The following TADA3 variants were observed in gnomAD, a reference collection of about 807,000 sequenced individuals.
TADA3 encodes the protein transcriptional adapter 3.
A neutral mutation model predicts 43.2 loss-of-function variants in TADA3; 25 were observed. The ratio of observed to expected loss-of-function variants is 0.58; its 90% confidence interval spans 0.42 to 0.81. The LOEUF (loss-of-function observed/expected upper bound fraction) is 0.81, where lower values mean the gene tolerates loss of function less well. TADA3 is among the 30% of genes least tolerant of loss of function. The probability of loss-of-function intolerance (pLI) is 0.00; values close to 1 mark genes in which losing one functional copy is unlikely to be tolerated. For synonymous variants in TADA3, 235 were observed against 225.5 expected (o/e 1.04, Z -0.38); for missense variants, 441 against 567.8 (o/e 0.78, Z 2.27).
intron 4 of TADA3, chr3:9,787,635 T>G (rs2078646920): frequency 1.5e-6 from 2 of 1,335,932 alleles, no homozygotes; most frequent in South Asian, 1.3e-5. Flanking sequence ...CAATTGCCTC[T>G]CGAGAGAATT....
intron 2 of TADA3, among the ~76,000 whole-genome samples, chr3:9,790,274 T>C (rs1354744702): frequency 1.3e-5 from 2 of 152,252 alleles, no homozygotes; most frequent in African/African-American, 4.8e-5. Flanking sequence ...TTCACTTCGA[T>C]GTCACCACTA....
chr3:9,785,415 A>G lies in TADA3; in HGVS notation c.821T>C (p.Ile274Thr). The G allele has an allele frequency of 6.2e-7, 1 of 1,612,646 alleles. No individual in the cohort carries two copies. Among genetic ancestry groups the G allele is most frequent in the South Asian group, 1.1e-5 (1 of 90,996 alleles). The part of the protein sequence containing the change: ...LLQALVEENI[I>T]SPMEDSPIPD... ...AATAGGAGAATCCTCCATAGGGGAA[A>G]TAATATTTTCCTAGAAGACCACAAA... Residue 274 changes from isoleucine to threonine, a missense_variant, in exon 7 of 9, where the codon ATT (isoleucine) becomes ACT (threonine). Transcript: ENST00000301964.
Position 9,789,521 on chromosome 3 carries a change from A to G in TADA3, c.552T>C (p.Ala184=). ...CCAGAGTTTCTACCTTGTAATGCTC[A>G]GCCTCATCTTCTGGGGGCTTCAGTA... ...EELLKPPEDE[A]EHYKIPPLGK... Residue 184 remains alanine (A), a synonymous_variant, in exon 4 of 9, where the codon GCT becomes GCC. Coordinates refer to ENST00000301964, the MANE Select transcript of TADA3 (RefSeq NM_006354.5). 6.2e-7 allele frequency: 1 copy of G among 1,614,134 alleles called. No individual in the cohort carries two copies. The highest frequency in any genetic ancestry group is 2.2e-5 in the East Asian group (1 of 44,874).
intron 8 of TADA3, among the ~76,000 whole-genome samples, chr3:9,782,790 CAAAA>C (rs36123956): frequency 8.3e-6 from 1 of 120,048 alleles, no homozygotes; most frequent in Admixed American, 8.7e-5. Context: ...GACACCGTCT[CAAAA>C]AAAAAAAAAA....
At chr3:9,790,052 TAC>T in intron 2 of TADA3, 89 bp from the exon 3 acceptor site, 2 of 1,443,220 alleles carry the variant, frequency 1.4e-6, no homozygotes. Context: ...ATCTAGAATC[TAC>T]AGAGGCTCCT....
intron 4 of TADA3, 47 bp downstream of exon 4, chr3:9,789,462 G>T: frequency 1.3e-6 from 2 of 1,559,214 alleles, no homozygotes; most frequent in South Asian, 2.3e-5. Context: ...AGGCACCTCT[G>T]AACTCTCTTG....
At chr3:9,781,405 C>T (rs1054334316) in intron 8 of TADA3, 46 of 427,772 alleles carry the variant, frequency 1.1e-4, no homozygotes, top group African/African-American at 4.6e-4. Context: ...ATATGTTACC[C>T]GTGAGGAAAA....
At chr3:9,792,796 T>G (rs924653226), upstream of TADA3, 11 of 1,265,418 alleles carry the variant, frequency 8.7e-6, no homozygotes, top group Admixed American at 4.0e-5. Context: ...GTGCCCAATC[T>G]GAAGCTGGGC....
Position 9,780,474 on chromosome 3 carries a change from G to C in TADA3, c.1182C>G (p.Ala394=). 6.2e-7 allele frequency: 1 copy of C among 1,611,440 alleles called. No homozygotes were observed. The highest frequency in any genetic ancestry group is 8.5e-7 in the Non-Finnish European group (1 of 1,179,992). ...GCCGGGCAGCCATGATCTTGCGAAA[G>C]GCGTCCATGACCTCGTTGTCAGCCA... ...VRMADNEVMD[A]FRKIMAARQK... is the part of the protein sequence containing the mutation. The change falls in exon 9 of 9, where the codon GCC becomes GCG. Residue 394 remains alanine, a synonymous_variant. Coordinates refer to ENST00000301964, the MANE Select transcript of TADA3 (RefSeq NM_006354.5).
At chr3:9,792,659 G>A, upstream of TADA3, 1 of 1,232,236 alleles carries the variant, frequency 8.1e-7, no homozygotes, top group Non-Finnish European at 1.0e-6. Context: ...CTTGGCGGCC[G>A]AGATCTCCGC....
chr3:9,783,834 C>T (rs1229816982), intron 8 of TADA3, 194 bp downstream of exon 8: 11 of 1,014,152 alleles, frequency 1.1e-5, no homozygotes, highest in Non-Finnish European at 5.4e-6. Context: ...GATGCCTGAG[C>T]CCCACTCTGT....
chr3:9,786,385 T>C (rs2078611945), intron 6 of TADA3, among the ~76,000 whole-genome samples: 1 of 152,154 alleles, frequency 6.6e-6, no homozygotes, highest in African/African-American at 2.4e-5. Context: ...ACCTGCAACA[T>C]GTACCCAGAC....
intron 8 of TADA3, among the ~76,000 whole-genome samples, chr3:9,782,010 A>G (rs1444859550): frequency 6.6e-6 from 1 of 151,382 alleles, no homozygotes; most frequent in Non-Finnish European, 1.5e-5. Context: ...GATTTTTAAA[A>G]ATTTTTAGTA....
chr3:9,780,635 G>T, intron 8 of TADA3, 86 bp from the exon 9 acceptor site: 1 of 1,389,904 alleles, frequency 7.2e-7, no homozygotes, highest in Non-Finnish European at 9.6e-7. Flanking sequence ...CTACCCACCA[G>T]CCCAGGCTGG....
At chr3:9,789,477 G>A (rs370806835) in intron 4 of TADA3, 32 bp downstream of exon 4, 12 of 1,586,584 alleles carry the variant, frequency 7.6e-6, no homozygotes, top group African/African-American at 6.7e-5. Context: ...CTCTTGTTCC[G>A]CATCATGTCT....
Position 9,780,133 on chromosome 3 carries a change from G to T in TADA3, c.*224C>A. On this transcript the variant is annotated 3_prime_UTR_variant, in exon 9 of 9. Coordinates refer to ENST00000301964, the MANE Select transcript of TADA3 (RefSeq NM_006354.5). ...ACGAAGTCCCCTCCAACCCCATCTC[G>T]GGGACCAAGCAGAGACTAGGCCTCA... The T allele has an allele frequency of 6.7e-6, 3 of 446,224 alleles. No individual in the cohort carries two copies. The highest frequency in any genetic ancestry group is 7.8e-5 in the Admixed American group (2 of 25,530). 27.6% of individuals were successfully genotyped at this position (446,224 alleles called of 1,614,324 possible).
chr3:9,783,813 G>T, intron 8 of TADA3: 1 of 759,082 alleles, frequency 1.3e-6, no homozygotes, highest in Non-Finnish European at 1.9e-6. Context: ...CAAATCAATC[G>T]GTCAGTCACA....
upstream of TADA3, chr3:9,792,923 T>G: frequency 7.2e-7 from 1 of 1,393,974 alleles, no homozygotes; most frequent in Non-Finnish European, 9.3e-7. Context: ...TGCAAGAATT[T>G]AAAAATACCG....
At chr3:9,782,715 C>T (rs1209273009) in intron 8 of TADA3, among the ~76,000 whole-genome samples, 2 of 148,158 alleles carry the variant, frequency 1.3e-5, no homozygotes, top group East Asian at 2.0e-4. Context: ...TGCCTGAACC[C>T]GGGAGGCGGA....
Sources: allele counts gnomAD v4.1 joint callset (sites outside exome capture counted in the v4.1 genomes callset), GRCh38; gene constraint gnomAD v4.1.1; transcripts MANE v1.5; gene names NCBI Gene and HGNC (gene_info 2026-07-23, HGNC 2026-07-21).